Variants in ANKRD1 observed in about 807,000 individuals in gnomAD.
ANKRD1 encodes the protein ankyrin repeat domain-containing protein 1.
Under a neutral mutation model 40.1 loss-of-function variants are expected in ANKRD1, and 32 were observed. The ratio of observed to expected loss-of-function variants is 0.80; its 90% confidence interval spans 0.60 to 1.07. The LOEUF (loss-of-function observed/expected upper bound fraction) is 1.07, where lower values mean the gene tolerates loss of function less well. Ranked by LOEUF, ANKRD1 falls within the 50% of genes least tolerant of loss-of-function variation. The probability of loss-of-function intolerance (pLI) is 0.00; values close to 1 mark genes in which losing one functional copy is unlikely to be tolerated. For synonymous variants in ANKRD1, 149 were observed against 141.2 expected (o/e 1.06, Z -0.39); for missense variants, 359 against 386.0 (o/e 0.93, Z 0.59).
At position 90,921,040 on chromosome 10, in the gene ANKRD1, A is replaced by G. The variant is rs759918625; in HGVS notation, c.-13T>C. The G allele has an allele frequency of 1.9e-6, 3 of 1,613,750 alleles. No homozygotes were observed. The highest frequency in any genetic ancestry group is 2.5e-6 in the Non-Finnish European group (3 of 1,179,832). On this transcript the variant is annotated 5_prime_UTR_variant, in exon 1 of 9. Transcript: ENST00000371697. ...TCAGTACCATCATGTTGGCTGAAGG[A>G]GTCTTGTATGTTTTTCTGTCGTGGA...
At position 90,913,007 on chromosome 10, in the gene ANKRD1, T is replaced by G. The variant is rs776659156; in HGVS notation, c.850-31A>C. The G allele has an allele frequency of 6.9e-6, 11 of 1,589,360 alleles. No individual in the cohort carries two copies. The South Asian group carries it at 1.2e-4, about 18-fold the overall frequency. On this transcript the variant is annotated intron_variant, in intron 8 of 8. Transcript: ENST00000371697. ...CAAATGAGATAAGGAAAGTTGACTT[T>G]CAGGTGGGTGACATCTGTAAATTCA... is the stretch of plus-strand genomic sequence containing the variant.
At chr10:90,917,415 A>G (rs916811697) in intron 5 of ANKRD1, among the ~76,000 whole-genome samples, 4 of 152,228 alleles carry the variant, frequency 2.6e-5, no homozygotes, top group Admixed American at 1.3e-4. Context: ...CCTGTGAACA[A>G]TGGAGGGACA....
rs727502889 is a variant in ANKRD1, at chr10:90,917,826, T to G, written c.458A>C (p.Lys153Thr). The change falls in exon 5 of 9, where the codon AAA (lysine) becomes ACA (threonine). Residue 153 changes from lysine (K) to threonine (T), a missense_variant. Physicochemically the swap from Lys to Thr is moderately conservative, Grantham distance 78. Coordinates refer to ENST00000371697, the MANE Select transcript of ANKRD1 (RefSeq NM_014391.3). Reference sequence around the variant, plus strand: ...GCATGCTCTATGAAGAGCTGTCCGTTTATACTATCAGAACAGAGATTTTAA... The same window carrying G: ...GCATGCTCTATGAAGAGCTGTCCGTGTATACTATCAGAACAGAGATTTTAA... The part of the protein sequence containing the change: ...KNNPDVCDEY[K>T]RTALHRACLE... 6.2e-7 allele frequency: 1 copy of G among 1,613,094 alleles called. No homozygotes were observed. The highest frequency in any genetic ancestry group is 1.1e-5 in the South Asian group (1 of 91,064).
intron 5 of ANKRD1, 53 bp downstream of exon 5, chr10:90,917,668 GTTTTCCGGAGC>G: frequency 6.9e-7 from 1 of 1,439,726 alleles, no homozygotes; most frequent in Non-Finnish European, 9.8e-7. Context: ...TGCATTGGAG[GTTTTCCGGAGC>G]TTCATATAGT....
rs1362164501 is a variant in ANKRD1 at position 90,912,145 on chromosome 10, A to G, written c.*721T>C. Reference sequence around the variant, plus strand: ...TGAATATAAAATGTACATACAATACAATATACATTTATACATTTACAGTTT... The same window carrying G: ...TGAATATAAAATGTACATACAATACGATATACATTTATACATTTACAGTTT... On this transcript the variant is annotated 3_prime_UTR_variant, in exon 9 of 9. Transcript: ENST00000371697. 1 of 152,054 alleles carries G rather than the reference A, an allele frequency of 6.6e-6. No individual in the cohort carries two copies. Among genetic ancestry groups the G allele is most frequent in the East Asian group, 1.9e-4 (1 of 5,194 alleles). 9.4% of individuals were successfully genotyped at this position (152,054 alleles called of 1,614,324 possible).
chr10:90,912,621 C>G lies in ANKRD1; in HGVS notation c.*245G>C, dbSNP rs1352177902. The G allele has an allele frequency of 2.3e-6, 1 of 435,082 alleles. No homozygotes were observed. The highest frequency in any genetic ancestry group is 2.0e-5 in the African/African-American group (1 of 49,574). 27.0% of individuals were successfully genotyped at this position (435,082 alleles called of 1,614,324 possible). A position where few individuals can be genotyped will look rare whatever the true frequency, so the allele number is the denominator to read the frequency against. On this transcript the variant is annotated 3_prime_UTR_variant, in exon 9 of 9. Transcript: ENST00000371697. ...AAGCTCTGCTCACCAGATGGATGAT[C>G]ATGAAGGTCTGAATATCAGTAGCGT...
Position 90,915,547 on chromosome 10 carries a change from T to C in ANKRD1, c.845A>G (p.Asn282Ser). ...IMYGADLNIK[N>S]CAGKTPMDLV... ...TTTCTTGTTTCCAGTACTTACACAG[T>C]TCTTGATGTTGAGATCCGCGCCATA... The change falls in exon 8 of 9, where the codon AAC (asparagine) becomes AGC (serine). Residue 282 changes from asparagine (N) to serine (S), a missense_variant. Physicochemically the swap from Asn to Ser is conservative, Grantham distance 46 (BLOSUM62 1). Transcript: ENST00000371697. 3 of 1,613,592 alleles carry C rather than the reference T, an allele frequency of 1.9e-6. No individual in the cohort carries two copies. Among genetic ancestry groups the C allele is most frequent in the Non-Finnish European group, 2.5e-6 (3 of 1,179,598 alleles).
At chr10:90,919,993 T>C (rs2120273196) in intron 2 of ANKRD1, among the ~76,000 whole-genome samples, 176 bp downstream of exon 2, 2 of 152,356 alleles carry the variant, frequency 1.3e-5, no homozygotes, top group South Asian at 4.1e-4. Flanking sequence ...GGTCATAGTC[T>C]TGTCAAAGAG....
Position 90,915,652 on chromosome 10 carries a change from A to C in ANKRD1, c.751-11T>G, listed in dbSNP as rs1847361049. The C allele has an allele frequency of 6.2e-7, 1 of 1,613,130 alleles. No homozygotes were observed. Among genetic ancestry groups the C allele is most frequent in the Non-Finnish European group, 8.5e-7 (1 of 1,179,552 alleles). On this transcript the variant is annotated splice_polypyrimidine_tract_variant and intron_variant, in intron 7 of 8. Coordinates refer to ENST00000371697, the MANE Select transcript of ANKRD1 (RefSeq NM_014391.3). The stretch of plus-strand genomic sequence containing the variant: ...CGGGGTATCTCCTTCCTAGAGAAGC[A>C]GAGTCAACAGGTTCAAGGTGGGTCT...
Position 90,916,253 on chromosome 10 carries a change from A to T in ANKRD1, c.569T>A (p.Ile190Asn), listed in dbSNP as rs1187631408. 6.2e-7 allele frequency: 1 copy of T among 1,613,844 alleles called. No individual in the cohort carries two copies. The highest frequency in any genetic ancestry group is 8.5e-7 in the Non-Finnish European group (1 of 1,179,812). ...GTTTCCTCCACGGCTTGCCCAGTGGATGGCTGTGGATTCAAGCTATACCGG... is the reference window on the plus strand; with the variant it reads ...GTTTCCTCCACGGCTTGCCCAGTGGTTGGCTGTGGATTCAAGCTATACCGG... ...EFRDMLESTA[I>N]HWASRGGNLD... Residue 190 changes from isoleucine to asparagine, a missense_variant, in exon 6 of 9, where the codon ATC becomes AAC. Transcript: ENST00000371697.
Position 90,916,152 on chromosome 10 carries a change from G to A in ANKRD1, c.651+19C>T. On this transcript the variant is annotated intron_variant, in intron 6 of 8. Coordinates refer to ENST00000371697, the MANE Select transcript of ANKRD1 (RefSeq NM_014391.3). ...GAGGGGGAGGGGGTGAATGAAGGGA[G>A]AAGGAGAAGAAGGAATACCTTATCT... 6.3e-7 allele frequency: 1 copy of A among 1,587,118 alleles called. No homozygotes were observed. Among genetic ancestry groups the A allele is most frequent in the Non-Finnish European group, 8.6e-7 (1 of 1,156,770 alleles).
chr10:90,918,822 A>G (rs1490240550), intron 4 of ANKRD1, 43 bp downstream of exon 4: 1 of 1,463,558 alleles, frequency 6.8e-7, no homozygotes, highest in Admixed American at 1.7e-5. Context: ...AAGAAACATA[A>G]AATTAATGAG....
chr10:90,916,117 G>A (rs1847370057), intron 6 of ANKRD1, 54 bp downstream of exon 6: 11 of 1,183,784 alleles, frequency 9.3e-6, no homozygotes, highest in Non-Finnish European at 1.2e-5. Context: ...GGAGAAGGAT[G>A]GGGGACAGGG....
intron 6 of ANKRD1, 41 bp from the exon 7 acceptor site, chr10:90,915,921 G>A: frequency 6.3e-7 from 1 of 1,593,162 alleles, no homozygotes; most frequent in Non-Finnish European, 8.6e-7. Flanking sequence ...TAGGAATGAG[G>A]ACAGAGGCTG....
chr10:90,919,193 T>C lies in ANKRD1; in HGVS notation c.283A>G (p.Lys95Glu). ...TTAGTTTTCCTGTATTTTTTCCTTT[T>C]CTTCAGTTGAATGATTATTTCAAGG... ...EDLEIIIQLK[K>E]RKKYRKTKVP... Residue 95 changes from lysine to glutamate, a missense_variant, in exon 3 of 9, where the codon AAA (lysine) becomes GAA (glutamate). Lys to Glu is a moderately conservative substitution (Grantham distance 56). Coordinates refer to ENST00000371697, the MANE Select transcript of ANKRD1 (RefSeq NM_014391.3). 1 of 1,612,890 alleles carries C rather than the reference T, an allele frequency of 6.2e-7. No homozygotes were observed. The highest frequency in any genetic ancestry group is 8.5e-7 in the Non-Finnish European group (1 of 1,179,572).
intron 4 of ANKRD1, among the ~76,000 whole-genome samples, 164 bp from the exon 5 acceptor site, chr10:90,917,994 A>G (rs1297748400): frequency 6.6e-6 from 1 of 152,238 alleles, no homozygotes; most frequent in Non-Finnish European, 1.5e-5. Flanking sequence ...GCAGAATCAG[A>G]ACAATTATCC....
At chr10:90,913,877 A>G (rs1210168805) in intron 8 of ANKRD1, among the ~76,000 whole-genome samples, 1 of 152,174 alleles carries the variant, frequency 6.6e-6, no homozygotes, top group Non-Finnish European at 1.5e-5. Flanking sequence ...AGAGTTAAAA[A>G]CATGGTACCC....
chr10:90,918,494 C>G (rs1847396399), intron 4 of ANKRD1, among the ~76,000 whole-genome samples: 1 of 151,878 alleles, frequency 6.6e-6, no homozygotes, highest in Admixed American at 6.6e-5. Flanking sequence ...GAACTCCAAT[C>G]TCCAGATTTC....
intron 1 of ANKRD1, 103 bp downstream of exon 1, chr10:90,920,898 G>C (rs1847430205): frequency 9.0e-7 from 1 of 1,114,608 alleles, no homozygotes; most frequent in African/African-American, 1.5e-5. Context: ...GACATTTTCA[G>C]AGTTCCCTTG....
Sources: gnomAD v4.1 joint callset for allele counts (sites outside exome capture counted in the v4.1 genomes callset) on GRCh38, gnomAD v4.1.1 for gene constraint, MANE v1.5 for transcripts, NCBI Gene and HGNC (gene_info 2026-07-23, HGNC 2026-07-21) for gene names.